The following NEDD4L variants were observed in gnomAD, a reference collection of about 807,000 sequenced individuals.
The protein encoded by NEDD4L is E3 ubiquitin-protein ligase NEDD4-like.
A neutral mutation model predicts 148.9 loss-of-function variants in NEDD4L; 54 were observed. The observed-to-expected ratio is 0.36, with a 90% CI of 0.29 to 0.45. NEDD4L has a LOEUF of 0.45. Ranked by LOEUF, NEDD4L falls within the 20% of genes least tolerant of loss-of-function variation. NEDD4L has a pLI of 1.00. For missense variants in NEDD4L, 856 were observed against 1,233.8 expected, an observed-to-expected ratio of 0.69 and a Z score of 4.59; for synonymous variants, 433 against 440.7, an observed-to-expected ratio of 0.98 and a Z score of 0.22.
chr18:58,141,279 T>A (rs2033470946), intron 1 of NEDD4L, among the ~76,000 whole-genome samples: 1 of 152,194 alleles, frequency 6.6e-6, no homozygotes, highest in South Asian at 2.1e-4. Flanking sequence ...AACTATGGGG[T>A]AACACAATAT....
intron 1 of NEDD4L, among the ~76,000 whole-genome samples, chr18:58,117,725 C>G (rs2085942747): frequency 2.0e-5 from 3 of 152,140 alleles, no homozygotes; most frequent in African/African-American, 7.2e-5. Context: ...TTCTGGGCCT[C>G]TCTGGAGTCT....
chr18:58,069,493 G>T (rs2082764602), intron 1 of NEDD4L, among the ~76,000 whole-genome samples: 1 of 152,198 alleles, frequency 6.6e-6, no homozygotes, highest in South Asian at 2.1e-4. Context: ...GATTCCCCTG[G>T]AAGAAAGTTT....
chr18:58,115,750 C>T (rs1396346424), intron 1 of NEDD4L, among the ~76,000 whole-genome samples: 5 of 152,170 alleles, frequency 3.3e-5, no homozygotes, highest in Non-Finnish European at 7.3e-5. Context: ...ATGAGCAAAA[C>T]GTTGACAGAG....
At chr18:58,298,498 T>C (rs911918726) in intron 5 of NEDD4L, among the ~76,000 whole-genome samples, 1 of 152,226 alleles carries the variant, frequency 6.6e-6, no homozygotes, top group Non-Finnish European at 1.5e-5. Flanking sequence ...ATTTTCAAAG[T>C]ATGACTAATA....
At position 58,398,157 on chromosome 18, in the gene NEDD4L, T is replaced by TAAAAAAAAAAAAAAAAA. The variant is rs35545013; in HGVS notation, c.*1909_*1925dup. The TAAAAAAAAAAAAAAAAA allele has an allele frequency of 1.9e-4, 6 of 31,010 alleles. 1 individual carries two copies. The highest frequency in any genetic ancestry group is 4.6e-4 in the African/African-American group (5 of 10,926). 1.9% of individuals were successfully genotyped at this position (31,010 alleles called of 1,614,324 possible). On this transcript the variant is annotated 3_prime_UTR_variant, in exon 31 of 31. Transcript: ENST00000400345. ...TCAGAAAACTTAGATGCTATGTAAC[T>TAAAAAAAAAAAAAAAAA]AAAAAAAAAAAAAAAAAAAAAAAAA...
intron 2 of NEDD4L, among the ~76,000 whole-genome samples, chr18:58,196,931 G>A (rs1434739510): frequency 3.9e-5 from 6 of 152,096 alleles, no homozygotes; most frequent in Non-Finnish European, 8.8e-5. Context: ...AGGGGGAAGA[G>A]GAGATGGTGA....
chr18:58,081,453 G>C (rs927122687), intron 1 of NEDD4L, among the ~76,000 whole-genome samples: 1 of 151,894 alleles, frequency 6.6e-6, no homozygotes, highest in East Asian at 1.9e-4. Flanking sequence ...CTGACCTCCT[G>C]ATCCACCCGC....
intron 6 of NEDD4L, 90 bp from the exon 7 acceptor site, chr18:58,322,335 A>C: frequency 1.1e-6 from 1 of 950,120 alleles, no homozygotes; most frequent in Admixed American, 2.0e-5. Context: ...TCTAAAATTC[A>C]AAATATATTC....
intron 5 of NEDD4L, among the ~76,000 whole-genome samples, chr18:58,307,142 G>A (rs1411431068): frequency 2.0e-5 from 3 of 152,132 alleles, no homozygotes; most frequent in African/African-American, 7.2e-5. Flanking sequence ...AGGTGGAAAT[G>A]GCTCCCCGGG....
intron 1 of NEDD4L, among the ~76,000 whole-genome samples, chr18:58,078,980 ATG>A (rs1189835888): frequency 2.0e-5 from 3 of 152,182 alleles, no homozygotes; most frequent in Non-Finnish European, 2.9e-5. Context: ...GGAAGATTAA[ATG>A]AGACTATGAA....
intron 13 of NEDD4L, among the ~76,000 whole-genome samples, chr18:58,340,152 C>T (rs1378733980): frequency 1.3e-5 from 2 of 152,146 alleles, no homozygotes; most frequent in African/African-American, 4.8e-5. Context: ...GCATTCAAGC[C>T]CTCCTGGGAC....
chr18:58,140,486 G>C (rs1177590479), intron 1 of NEDD4L, among the ~76,000 whole-genome samples: 1 of 150,610 alleles, frequency 6.6e-6, no homozygotes, highest in Admixed American at 6.6e-5. Flanking sequence ...TTTCTGAGTG[G>C]AGGATTAGCC....
At chr18:58,133,372 A>G (rs1181478250) in intron 1 of NEDD4L, among the ~76,000 whole-genome samples, 1 of 152,190 alleles carries the variant, frequency 6.6e-6, no homozygotes, top group Non-Finnish European at 1.5e-5. Flanking sequence ...ATCTTGCCCC[A>G]GTGAGCGGGC....
At chr18:58,153,334 CTTTTT>C (rs58164854) in intron 1 of NEDD4L, among the ~76,000 whole-genome samples, 2 of 128,158 alleles carry the variant, frequency 1.6e-5, no homozygotes, top group South Asian at 5.2e-4. Flanking sequence ...AAGAGATTGA[CTTTTT>C]TTTTTTTTTT....
At chr18:58,214,869 C>T (rs541149101) in intron 2 of NEDD4L, among the ~76,000 whole-genome samples, 10 of 148,122 alleles carry the variant, frequency 6.8e-5, no homozygotes, top group East Asian at 4.0e-4. Context: ...TGGAGTGCAG[C>T]GATGCCATCT....
intron 2 of NEDD4L, among the ~76,000 whole-genome samples, chr18:58,184,906 C>T (rs980905271): frequency 4.0e-5 from 6 of 150,434 alleles, no homozygotes; most frequent in Non-Finnish European, 5.9e-5. Context: ...CCAGCCTGGG[C>T]GACAGAGCGA....
Position 58,373,268 on chromosome 18 carries a change from AG to A in NEDD4L, c.2352+1del. 1 of 1,557,094 alleles carries A rather than the reference AG, an allele frequency of 6.4e-7. No individual in the cohort carries two copies. The highest frequency in any genetic ancestry group is 8.8e-7 in the Non-Finnish European group (1 of 1,141,424). ...TGCATAGACGAAGAAAACTTTGGAC[AG>A]GTACATGTGGGTAACCCTGGGAACT... ...MFCIDEENFG[Q>X]TYQVDLKPNG... On this transcript the variant is annotated frameshift_variant and splice_region_variant, in exon 24 of 31. Transcript: ENST00000400345. LOFTEE classifies it high-confidence loss of function.
At chr18:58,246,149 T>C (rs1289835641) in intron 3 of NEDD4L, among the ~76,000 whole-genome samples, 1 of 152,144 alleles carries the variant, frequency 6.6e-6, no homozygotes, top group Non-Finnish European at 1.5e-5. Context: ...ATGTCATAAG[T>C]TGTAACATTT....
chr18:58,205,504 G>A (rs553445583), intron 2 of NEDD4L, among the ~76,000 whole-genome samples: 1 of 151,958 alleles, frequency 6.6e-6, no homozygotes, highest in African/African-American at 2.4e-5. Flanking sequence ...GTGTATGTGT[G>A]TGTGTGTGTG....
Sources: allele counts gnomAD v4.1 joint callset (sites outside exome capture counted in the v4.1 genomes callset), GRCh38; gene constraint gnomAD v4.1.1; transcripts MANE v1.5; gene names NCBI Gene and HGNC (gene_info 2026-07-23, HGNC 2026-07-21).